NCKAP5: variants seen among roughly 807,000 people sequenced by gnomAD.
The protein encoded by NCKAP5 is nck-associated protein 5.
In NCKAP5, 92 loss-of-function variants were observed where a neutral mutation model predicts 167.0. The ratio of observed to expected loss-of-function variants is 0.55; its 90% CI spans 0.47 to 0.66. The LOEUF (loss-of-function observed/expected upper bound fraction) is 0.66, where lower values mean the gene tolerates loss of function less well. Ranked by LOEUF, NCKAP5 falls within the 30% of genes least tolerant of loss-of-function variation. The pLI, the probability that NCKAP5 is intolerant of heterozygous loss-of-function variation, is 0.00. For missense variants in NCKAP5, 2,378 were observed against 2,315.0 expected, an observed-to-expected ratio of 1.03 and a Z score of -0.56; for synonymous variants, 891 against 877.4, an observed-to-expected ratio of 1.02 and a Z score of -0.27.
At chr2:132,949,727 C>T (rs1041289996) in intron 8 of NCKAP5, among the ~76,000 whole-genome samples, 3 of 152,012 alleles carry the variant, frequency 2.0e-5, no homozygotes, top group Admixed American at 6.6e-5. Flanking sequence ...AACCATGTGT[C>T]GCTAAAAAAA....
chr2:133,278,625 T>G (rs1230713373), intron 4 of NCKAP5, among the ~76,000 whole-genome samples: 1 of 152,152 alleles, frequency 6.6e-6, no homozygotes, highest in African/African-American at 2.4e-5. Context: ...GATATGTATT[T>G]TTTTGTGGGT....
chr2:133,594,358 G>T, the NCKAP5 span, among the ~76,000 whole-genome samples: 1 of 152,022 alleles, frequency 6.6e-6, no homozygotes, highest in Non-Finnish European at 1.5e-5. Flanking sequence ...CCTGGGGTCG[G>T]CTCCTATCAT....
At chr2:132,834,258 G>A (rs1440690113) in intron 11 of NCKAP5, among the ~76,000 whole-genome samples, 2 of 152,124 alleles carry the variant, frequency 1.3e-5, no homozygotes, top group African/African-American at 4.8e-5. Flanking sequence ...GTGCAGTGGT[G>A]TAATCATAGC....
intron 5 of NCKAP5, among the ~76,000 whole-genome samples, chr2:133,154,836 T>C (rs2083515779): frequency 6.6e-6 from 1 of 152,238 alleles, no homozygotes; most frequent in African/African-American, 2.4e-5. Flanking sequence ...ACAGTTTTTA[T>C]CTGGCAAAAA....
chr2:133,466,281 G>T (rs1346199992), intron 3 of NCKAP5, among the ~76,000 whole-genome samples: 12 of 145,826 alleles, frequency 8.2e-5, no homozygotes, highest in Non-Finnish European at 1.4e-4. Flanking sequence ...TTTCCCCATT[G>T]CTTGTTTTTC....
intron 6 of NCKAP5, among the ~76,000 whole-genome samples, chr2:133,020,715 G>A (rs940792879): frequency 2.6e-5 from 4 of 152,206 alleles, no homozygotes; most frequent in Non-Finnish European, 2.9e-5. Flanking sequence ...GGTGAGCTGC[G>A]TGCAATAACG....
chr2:133,427,730 G>C (rs1009592083), intron 3 of NCKAP5, among the ~76,000 whole-genome samples: 3 of 152,010 alleles, frequency 2.0e-5, no homozygotes, highest in Admixed American at 2.0e-4. Flanking sequence ...GTTTATTTTA[G>C]TGATATAAAA....
At chr2:132,874,515 G>A (rs1051680794) in intron 9 of NCKAP5, among the ~76,000 whole-genome samples, 1 of 152,206 alleles carries the variant, frequency 6.6e-6, no homozygotes, top group Non-Finnish European at 1.5e-5. Flanking sequence ...GTGGATCAGA[G>A]AGACAGGTGA....
chr2:133,613,469 C>A, the NCKAP5 span, among the ~76,000 whole-genome samples: 1 of 152,188 alleles, frequency 6.6e-6, no homozygotes, highest in African/African-American at 2.4e-5. Context: ...TCTAGCTCTG[C>A]CTCTCACCAG....
rs990405301 is a variant in NCKAP5 at position 133,052,584 on chromosome 2, G to C, written c.342-58345C>G. Among the ~76,000 whole-genome samples the C allele has an allele frequency of 5.3e-5, 8 of 152,102 alleles. No homozygotes were observed. In the East Asian group the frequency reaches 5.8e-4, roughly 11 times the overall value. The stretch of plus-strand genomic sequence containing the variant: ...AGTACAAAAATTAGTTGGGTGTGGT[G>C]GTGGGCACCTGTAATCCCAGATACC... On this transcript the variant is annotated intron_variant, in intron 6 of 19. Coordinates refer to ENST00000409261, the MANE Select transcript of NCKAP5 (RefSeq NM_207363.3).
At chr2:133,326,204 C>A (rs1179091585) in intron 3 of NCKAP5, among the ~76,000 whole-genome samples, 3 of 152,236 alleles carry the variant, frequency 2.0e-5, no homozygotes, top group South Asian at 2.1e-4. Flanking sequence ...GCCTGTAATC[C>A]CAGCACTTTG....
chr2:133,043,188 C>A (rs1446295425), intron 6 of NCKAP5, among the ~76,000 whole-genome samples: 3 of 152,100 alleles, frequency 2.0e-5, no homozygotes, highest in Non-Finnish European at 2.9e-5. Context: ...TTCTATAGAA[C>A]TAATGTAACT....
intron 3 of NCKAP5, among the ~76,000 whole-genome samples, chr2:133,314,129 T>C (rs1319972358): frequency 6.6e-6 from 1 of 152,176 alleles, no homozygotes; most frequent in Admixed American, 6.5e-5. Flanking sequence ...TCTCTCCCAT[T>C]ACTCCCCAAA....
At chr2:133,389,700 G>A (rs543061492) in intron 3 of NCKAP5, among the ~76,000 whole-genome samples, 4 of 152,168 alleles carry the variant, frequency 2.6e-5, no homozygotes, top group Admixed American at 2.0e-4. Context: ...AAATAATTAC[G>A]AAGTATAATC....
intron 3 of NCKAP5, among the ~76,000 whole-genome samples, chr2:133,421,510 A>G (rs981525374): frequency 6.6e-6 from 1 of 152,214 alleles, no homozygotes; most frequent in South Asian, 2.1e-4. Flanking sequence ...AGAGATTCAA[A>G]TAGAATTCAT....
intron 5 of NCKAP5, among the ~76,000 whole-genome samples, chr2:133,207,416 T>C (rs954452928): frequency 1.3e-5 from 2 of 152,164 alleles, no homozygotes; most frequent in Non-Finnish European, 2.9e-5. Context: ...ATTTTTCCAA[T>C]GTTAGGCAGT....
chr2:133,674,822 C>A, the NCKAP5 span, among the ~76,000 whole-genome samples: 1 of 152,130 alleles, frequency 6.6e-6, no homozygotes. Flanking sequence ...CTGGTTTCCC[C>A]AGGCCGGGTT....
chr2:133,650,863 G>C, the NCKAP5 span, among the ~76,000 whole-genome samples: 8 of 152,138 alleles, frequency 5.3e-5, no homozygotes, highest in Non-Finnish European at 1.0e-4. Context: ...GCCTGGGTGA[G>C]AGAGCAAGAC....
At chr2:133,060,066 C>G (rs2079946038) in intron 6 of NCKAP5, among the ~76,000 whole-genome samples, 1 of 152,138 alleles carries the variant, frequency 6.6e-6, no homozygotes, top group South Asian at 2.1e-4. Flanking sequence ...AATGGGATGC[C>G]AAGCTTAAGA....
Sources: gnomAD v4.1 joint callset for allele counts (sites outside exome capture counted in the v4.1 genomes callset) on GRCh38, gnomAD v4.1.1 for gene constraint, MANE v1.5 for transcripts, NCBI Gene and HGNC (gene_info 2026-07-23, HGNC 2026-07-21) for gene names.